The following RNF150 variants were observed in gnomAD, a reference collection of about 807,000 sequenced individuals.
The protein encoded by RNF150 is ring finger protein 150.
RNF150 carries 24 observed loss-of-function variants against 39.3 expected under a neutral mutation model. The observed-to-expected ratio is 0.61, with a 90% CI of 0.44 to 0.86. The LOEUF (loss-of-function observed/expected upper bound fraction) is 0.86. RNF150 is among the 40% of genes least tolerant of loss of function. The pLI, the probability that RNF150 is intolerant of heterozygous loss-of-function variation, is 0.00. For synonymous variants in RNF150, 255 were observed against 227.3 expected (o/e 1.12, Z -1.10); for missense variants, 502 against 587.8 (o/e 0.85, Z 1.51).
At chr4:141,094,165 C>T (rs908474034) in intron 1 of RNF150, among the ~76,000 whole-genome samples, 1 of 152,134 alleles carries the variant, frequency 6.6e-6, no homozygotes, top group Non-Finnish European at 1.5e-5. Context: ...AACATTTACT[C>T]ATCAGAAGAA....
At chr4:141,136,051 T>C (rs559485981), upstream of RNF150, among the ~76,000 whole-genome samples, 8 of 152,296 alleles carry the variant, frequency 5.3e-5, no homozygotes, top group African/African-American at 1.9e-4. Context: ...TTAAAACTCT[T>C]AAACTTATGA....
intron 1 of RNF150, among the ~76,000 whole-genome samples, chr4:140,982,973 T>C (rs989321514): frequency 9.2e-5 from 14 of 152,182 alleles, no homozygotes; most frequent in Non-Finnish European, 1.5e-5. Context: ...GATGACCTTG[T>C]AAAACTTATC....
chr4:141,132,862 C>T lies in RNF150; in HGVS notation c.-54G>A. The T allele has an allele frequency of 6.8e-7, 1 of 1,477,768 alleles. No homozygotes were observed. Among genetic ancestry groups the T allele is most frequent in the Non-Finnish European group, 9.3e-7 (1 of 1,074,060 alleles). The allele number at this position is 1,477,768 out of a possible 1,614,324, so 91.5% of individuals were successfully genotyped here. On this transcript the variant is annotated 5_prime_UTR_variant, in exon 1 of 7. Transcript: ENST00000515673. The surrounding 1 kb of genome is among the most constrained non-coding windows in gnomAD (Gnocchi z 4.9). Reference sequence around the variant, plus strand: ...CCCGCGCCCTCCCTCCGTCCCGTCCCTCCTCCCCAGCCCCGGCCAACCCCG... The same window carrying T: ...CCCGCGCCCTCCCTCCGTCCCGTCCTTCCTCCCCAGCCCCGGCCAACCCCG...
At chr4:140,913,350 G>A (rs1382225142) in intron 5 of RNF150, among the ~76,000 whole-genome samples, 1 of 152,166 alleles carries the variant, frequency 6.6e-6, no homozygotes, top group Non-Finnish European at 1.5e-5. Context: ...CATGACAGAG[G>A]CAGATGCTCA....
intron 1 of RNF150, among the ~76,000 whole-genome samples, chr4:141,116,634 T>C (rs997298595): frequency 6.6e-6 from 1 of 152,182 alleles, no homozygotes; most frequent in African/African-American, 2.4e-5. Context: ...GCAATCCCAT[T>C]ACTGGGTATA....
chr4:141,099,956 CCTGT>C (rs1560738526), intron 1 of RNF150, among the ~76,000 whole-genome samples: 7 of 152,052 alleles, frequency 4.6e-5, no homozygotes. Context: ...TGTGTGTGTA[CCTGT>C]CTCTGAAAGC....
intron 1 of RNF150, among the ~76,000 whole-genome samples, chr4:141,151,190 A>G (rs534614171): frequency 1.3e-5 from 2 of 152,210 alleles, no homozygotes; most frequent in African/African-American, 4.8e-5. Context: ...GCAATCCTCT[A>G]GCCTCAGCCT....
intron 1 of RNF150, among the ~76,000 whole-genome samples, chr4:141,160,791 G>T (rs549258484): frequency 6.6e-6 from 1 of 152,170 alleles, no homozygotes; most frequent in Non-Finnish European, 1.5e-5. Context: ...ACCTTCTGCC[G>T]TGATTGAAAG....
At chr4:140,911,119 T>C in intron 6 of RNF150, 25 bp downstream of exon 6, 1 of 1,583,876 alleles carries the variant, frequency 6.3e-7, no homozygotes, top group Non-Finnish European at 8.7e-7. Flanking sequence ...TCTGGCTATG[T>C]CACTTTAAGT....
At chr4:140,988,010 C>A (rs1734068777) in intron 1 of RNF150, among the ~76,000 whole-genome samples, 1 of 152,072 alleles carries the variant, frequency 6.6e-6, no homozygotes, top group South Asian at 2.1e-4. Flanking sequence ...ACATGCTCAT[C>A]ATCACTGATC....
intron 1 of RNF150, among the ~76,000 whole-genome samples, chr4:141,005,274 G>A (rs989609389): frequency 6.6e-6 from 1 of 152,220 alleles, no homozygotes; most frequent in Admixed American, 6.5e-5. Context: ...GGATGATTCT[G>A]TAGAGAAGCT....
chr4:141,127,383 G>GA (rs2111100322), intron 1 of RNF150, among the ~76,000 whole-genome samples: 1 of 152,260 alleles, frequency 6.6e-6, no homozygotes, highest in East Asian at 1.9e-4. Flanking sequence ...ATCACTTAAA[G>GA]GAAAATGTAC....
chr4:141,136,599 A>G (rs1435321893), upstream of RNF150, among the ~76,000 whole-genome samples: 1 of 152,178 alleles, frequency 6.6e-6, no homozygotes, highest in Non-Finnish European at 1.5e-5. Flanking sequence ...CCACCCCCCA[A>G]ATATATAATA....
rs869289733 is a variant in RNF150, at chr4:141,151,409, GACACACACACACACACAC to G, written c.-6+61367_-6+61384del. 3.0e-3 allele frequency among the ~76,000 whole-genome samples: 364 copies of G among 121,996 alleles called. 3 individuals carry two copies. Among genetic ancestry groups the G allele is most frequent in the African/African-American group, 0.01 (347 of 34,388 alleles). 80.0% of individuals were successfully genotyped at this position (121,996 alleles called of 152,430 possible). A position where few individuals can be genotyped will look rare whatever the true frequency, so the allele number is the denominator to read the frequency against. ...AATGTAGTGAAACCCCATCTCTACAGACACACACACACACACACACACACACACACACACACACACACA... is the reference window on the plus strand; with the variant it reads ...AATGTAGTGAAACCCCATCTCTACAGACACACACACACACACACACACACA... On this transcript the variant is annotated intron_variant, in intron 1 of 7. Transcript: ENST00000420921.
intron 1 of RNF150, among the ~76,000 whole-genome samples, chr4:141,096,893 C>G (rs1221215228): frequency 1.3e-5 from 2 of 152,190 alleles, no homozygotes; most frequent in East Asian, 1.9e-4. Flanking sequence ...TCTTTTATCC[C>G]TAAATGGGCT....
At chr4:141,171,796 A>C (rs1373708995) in intron 1 of RNF150, among the ~76,000 whole-genome samples, 1 of 152,132 alleles carries the variant, frequency 6.6e-6, no homozygotes, top group African/African-American at 2.4e-5. Flanking sequence ...AAATGGTGTT[A>C]AGTTCCTCCC....
chr4:140,914,434 TA>T (rs1234073594), intron 5 of RNF150, among the ~76,000 whole-genome samples: 1 of 152,258 alleles, frequency 6.6e-6, no homozygotes, highest in African/African-American at 2.4e-5. Context: ...CACAGGCATT[TA>T]AATTCAAGTT....
intron 1 of RNF150, among the ~76,000 whole-genome samples, chr4:141,058,596 G>A (rs1193908113): frequency 5.9e-5 from 9 of 152,098 alleles, no homozygotes; most frequent in Admixed American, 5.9e-4. Context: ...GTCCAGGCTT[G>A]ATCTGTTACT....
intron 1 of RNF150, among the ~76,000 whole-genome samples, chr4:141,000,034 AGAAG>A (rs1734578508): frequency 1.8e-5 from 1 of 56,742 alleles, no homozygotes; most frequent in Non-Finnish European, 4.3e-5. Flanking sequence ...AAGAAGAAGA[AGAAG>A]AAGAAGAAGA....
Sources: allele counts gnomAD v4.1 joint callset (sites outside exome capture counted in the v4.1 genomes callset), GRCh38; gene constraint gnomAD v4.1.1; non-coding constraint Gnocchi (gnomAD v3.1); transcripts MANE v1.5; gene names NCBI Gene and HGNC (gene_info 2026-07-23, HGNC 2026-07-21).